Variants in FHIT observed in about 807,000 individuals in gnomAD.
FHIT encodes the protein bis(5'-adenosyl)-triphosphatase.
A neutral mutation model predicts 17.9 loss-of-function variants in FHIT; 19 were observed. The observed-to-expected ratio is 1.06, with a 90% CI of 0.74 to 1.56. FHIT has a LOEUF of 1.56. FHIT is among the 40% of genes most tolerant of loss of function. The pLI, the probability that FHIT is intolerant of heterozygous loss-of-function variation, is 0.00. For missense variants in FHIT, 248 were observed against 189.2 expected (o/e 1.31, Z -1.82); for synonymous variants, 81 against 69.7 (o/e 1.16, Z -0.81).
At chr3:60,823,214 A>G (rs1346783366) in intron 3 of FHIT, among the ~76,000 whole-genome samples, 1 of 152,186 alleles carries the variant, frequency 6.6e-6, no homozygotes, top group Non-Finnish European at 1.5e-5. Flanking sequence ...TGTAAAATAC[A>G]TGAGTGGTTA....
intron 5 of FHIT, among the ~76,000 whole-genome samples, chr3:60,054,537 T>G (rs1329145628): frequency 6.6e-6 from 1 of 152,190 alleles, no homozygotes; most frequent in Non-Finnish European, 1.5e-5. Flanking sequence ...TATCCAGAAC[T>G]CTATCATAAT....
chr3:60,158,388 T>C (rs1441133527), intron 5 of FHIT, among the ~76,000 whole-genome samples: 1 of 152,086 alleles, frequency 6.6e-6, no homozygotes. Flanking sequence ...CTCTGTGCAC[T>C]GCAACCTCCG....
chr3:59,800,141 TTTAAA>T (rs1451439352), intron 8 of FHIT, among the ~76,000 whole-genome samples: 25 of 152,340 alleles, frequency 1.6e-4, no homozygotes, highest in African/African-American at 3.6e-4. Flanking sequence ...CTCGGTATTA[TTTAAA>T]TTAAATTATC....
At chr3:60,962,118 G>C (rs1020608768) in intron 3 of FHIT, among the ~76,000 whole-genome samples, 4 of 152,182 alleles carry the variant, frequency 2.6e-5, no homozygotes. Flanking sequence ...GCAGTGGTTT[G>C]TAGTTCTCCT....
intron 5 of FHIT, among the ~76,000 whole-genome samples, chr3:60,295,160 A>G (rs1045468251): frequency 6.6e-6 from 1 of 152,060 alleles, no homozygotes; most frequent in Non-Finnish European, 1.5e-5. Flanking sequence ...TGAGGTGAAA[A>G]GATCTGTTGA....
intron 4 of FHIT, among the ~76,000 whole-genome samples, chr3:60,802,276 T>C (rs890303078): frequency 2.0e-5 from 3 of 152,210 alleles, no homozygotes; most frequent in Non-Finnish European, 4.4e-5. Flanking sequence ...GATCAAGCCA[T>C]GGGCCATTAA....
chr3:60,321,925 G>C (rs1313879227), intron 5 of FHIT, among the ~76,000 whole-genome samples: 1 of 152,154 alleles, frequency 6.6e-6, no homozygotes, highest in Non-Finnish European at 1.5e-5. Flanking sequence ...CAGAGCCCTC[G>C]TGACTTAATC....
intron 4 of FHIT, among the ~76,000 whole-genome samples, chr3:60,645,158 A>G (rs1317904770): frequency 6.6e-6 from 1 of 152,224 alleles, no homozygotes; most frequent in South Asian, 2.1e-4. Flanking sequence ...ACTGTATTGA[A>G]GTATATCAAA....
rs1410430847 is a variant in FHIT at position 59,940,000 on chromosome 3, C to T, written c.280-17586G>A. 2.0e-5 allele frequency among the ~76,000 whole-genome samples: 3 copies of T among 152,154 alleles called. No homozygotes were observed. In the East Asian group the frequency reaches 5.8e-4, roughly 29 times the overall value. ...AAGGTTCAGGTCCTTAACCTTAGGT[C>T]ACGGGATGACAATATACAGAATCTG... On this transcript the variant is annotated intron_variant, in intron 7 of 9. Transcript: ENST00000492590.
intron 8 of FHIT, among the ~76,000 whole-genome samples, chr3:59,782,784 A>G (rs1702653586): frequency 1.3e-5 from 2 of 150,476 alleles, no homozygotes; most frequent in African/African-American, 2.4e-5. Flanking sequence ...AGTGATTTAC[A>G]AAGTATTTAT....
At chr3:60,279,552 CATT>C (rs1707329094) in intron 5 of FHIT, among the ~76,000 whole-genome samples, 1 of 152,088 alleles carries the variant, frequency 6.6e-6, no homozygotes, top group African/African-American at 2.4e-5. Context: ...CTTCCTAAGT[CATT>C]ATGTTATACC....
At chr3:60,877,853 T>C (rs1704740727) in intron 3 of FHIT, among the ~76,000 whole-genome samples, 1 of 152,052 alleles carries the variant, frequency 6.6e-6, no homozygotes, top group Non-Finnish European at 1.5e-5. Context: ...ACTGTGCTAC[T>C]CCCTGCCCTC....
At chr3:60,640,526 T>C (rs553089374) in intron 4 of FHIT, among the ~76,000 whole-genome samples, 1 of 152,170 alleles carries the variant, frequency 6.6e-6, no homozygotes, top group Non-Finnish European at 1.5e-5. Context: ...GATGTTTATT[T>C]TGAAAATATT....
At chr3:60,319,450 GA>G (rs1265020859) in intron 5 of FHIT, among the ~76,000 whole-genome samples, 201 of 139,410 alleles carry the variant, frequency 1.4e-3, no homozygotes, top group Middle Eastern at 7.4e-3. Flanking sequence ...GTTTTTAAGG[GA>G]AAAAAAAAAA....
At chr3:60,024,170 T>C (rs1003074081) in intron 5 of FHIT, among the ~76,000 whole-genome samples, 7 of 152,188 alleles carry the variant, frequency 4.6e-5, no homozygotes, top group African/African-American at 1.7e-4. Context: ...ATAACAGTGT[T>C]CTATGCTTTT....
intron 5 of FHIT, among the ~76,000 whole-genome samples, chr3:60,220,468 A>G (rs1002018704): frequency 3.3e-5 from 5 of 151,060 alleles, no homozygotes; most frequent in Non-Finnish European, 7.4e-5. Flanking sequence ...CTGACATAAT[A>G]GCATTCATAA....
chr3:60,550,052 G>T (rs893304155), intron 4 of FHIT, among the ~76,000 whole-genome samples: 1 of 151,966 alleles, frequency 6.6e-6, no homozygotes, highest in African/African-American at 2.4e-5. Context: ...TAAACACTAG[G>T]GGCTCAATTG....
At chr3:60,481,885 T>C (rs1008047042) in intron 5 of FHIT, among the ~76,000 whole-genome samples, 9 of 152,070 alleles carry the variant, frequency 5.9e-5, no homozygotes, top group African/African-American at 9.7e-5. Flanking sequence ...ACTGGCAAAT[T>C]GGATAAAGAG....
chr3:60,868,143 T>C (rs1446674997), intron 3 of FHIT, among the ~76,000 whole-genome samples: 1 of 152,198 alleles, frequency 6.6e-6, no homozygotes. Flanking sequence ...GGGTGATCTT[T>C]ACACATCTCA....
Sources: allele counts gnomAD v4.1 joint callset (sites outside exome capture counted in the v4.1 genomes callset), GRCh38; gene constraint gnomAD v4.1.1; transcripts MANE v1.5; gene names NCBI Gene and HGNC (gene_info 2026-07-23, HGNC 2026-07-21).